The following LRMDA variants were observed in gnomAD, a reference collection of about 807,000 sequenced individuals.
LRMDA encodes the protein leucine rich melanocyte differentiation associated.
LRMDA carries 18 observed loss-of-function variants against 29.8 expected under a neutral mutation model. The ratio of observed to expected loss-of-function variants is 0.60; its 90% CI spans 0.42 to 0.90. The LOEUF is 0.90. Among genes scored for constraint, LRMDA ranks in the 40% least tolerant of loss-of-function variants. The pLI is 0.00. For synonymous variants in LRMDA, 125 were observed against 109.4 expected, an observed-to-expected ratio of 1.14 and a Z score of -0.89; for missense variants, 273 against 273.9, an observed-to-expected ratio of 1.00 and a Z score of 0.02.
chr10:75,826,497 G>C (rs1238091511), intron 2 of LRMDA, among the ~76,000 whole-genome samples: 1 of 152,050 alleles, frequency 6.6e-6, no homozygotes, highest in African/African-American at 2.4e-5. Flanking sequence ...CACCTTACTC[G>C]GCCTGACACT....
In LRMDA at chr10:75,697,274, A is replaced by G. The variant is rs141081492; in HGVS notation, c.131+258780A>G. Among the ~76,000 whole-genome samples the G allele has an allele frequency of 2.6e-5, 4 of 152,022 alleles. No homozygotes were observed. In the South Asian group the frequency reaches 6.2e-4, roughly 24 times the overall value. ...GACTTTCTAATTTGTCTGTTTCAGT[A>G]GAGTTAGAAGACACTGTTGGTTGAC... On this transcript the variant is annotated intron_variant, in intron 2 of 6. Coordinates refer to ENST00000611255, the MANE Select transcript of LRMDA (RefSeq NM_001305581.2).
At chr10:76,130,114 AG>A (rs1001833333) in intron 5 of LRMDA, among the ~76,000 whole-genome samples, 12 of 99,246 alleles carry the variant, frequency 1.2e-4, no homozygotes. Context: ...GGCTGCTCAA[AG>A]TTTTTTTTTT....
chr10:76,290,701 C>T (rs1390327988), intron 5 of LRMDA, among the ~76,000 whole-genome samples: 1 of 152,136 alleles, frequency 6.6e-6, no homozygotes, highest in Non-Finnish European at 1.5e-5. Context: ...GGATTACAGG[C>T]CTGAGCCACT....
chr10:75,452,575 CTTTTT>C (rs10636455), intron 2 of LRMDA, among the ~76,000 whole-genome samples: 2 of 117,330 alleles, frequency 1.7e-5, no homozygotes, highest in Non-Finnish European at 3.4e-5. Flanking sequence ...CAGGATATGA[CTTTTT>C]TTTTTTTTTT....
chr10:75,872,285 A>T (rs981848088), intron 2 of LRMDA, among the ~76,000 whole-genome samples: 3 of 149,714 alleles, frequency 2.0e-5, no homozygotes, highest in African/African-American at 4.9e-5. Flanking sequence ...GATTCGTTCT[A>T]TTCTCTCTCT....
intron 6 of LRMDA, among the ~76,000 whole-genome samples, chr10:76,436,435 A>G (rs993885792): frequency 2.0e-5 from 3 of 152,174 alleles, no homozygotes; most frequent in African/African-American, 7.2e-5. Context: ...GCCCTGTGGA[A>G]TGTGGGCTGG....
chr10:75,605,515 T>G (rs34493984), intron 2 of LRMDA, among the ~76,000 whole-genome samples: 77,384 of 152,028 alleles, frequency 0.51, 22,253 homozygotes, highest in Non-Finnish European at 0.63. Context: ...AAAAGAGAAG[T>G]TAAACATATT....
chr10:75,921,716 T>C (rs1188176820), intron 2 of LRMDA, among the ~76,000 whole-genome samples: 1 of 152,254 alleles, frequency 6.6e-6, no homozygotes, highest in Non-Finnish European at 1.5e-5. Flanking sequence ...CCTGGAGTGA[T>C]AGTGAGGCTC....
At chr10:76,431,760 T>A (rs1842192813) in intron 6 of LRMDA, among the ~76,000 whole-genome samples, 1 of 152,160 alleles carries the variant, frequency 6.6e-6, no homozygotes, top group Admixed American at 6.5e-5. Context: ...ATTCTCAACT[T>A]GAATTCCCAC....
At chr10:75,761,702 G>A (rs1381186832) in intron 2 of LRMDA, among the ~76,000 whole-genome samples, 1 of 151,556 alleles carries the variant, frequency 6.6e-6, no homozygotes, top group African/African-American at 2.4e-5. Context: ...TGGTACGTAT[G>A]TTTTACCACA....
In LRMDA at chr10:76,086,615, C is replaced by A. The variant is rs578015731; in HGVS notation, c.516+27832C>A. ...TGTTCACCAAGTCCCTTCTCTGTGGCTACCACACAGCTAAATACTCATGTG... is the reference window on the plus strand; with the variant it reads ...TGTTCACCAAGTCCCTTCTCTGTGGATACCACACAGCTAAATACTCATGTG... On this transcript the variant is annotated intron_variant, in intron 5 of 6. Transcript: ENST00000611255. Among the ~76,000 whole-genome samples, 6 of 152,316 alleles carry A rather than the reference C, an allele frequency of 3.9e-5. No individual in the cohort carries two copies. In the East Asian group the frequency reaches 1.2e-3, roughly 29 times the overall value.
chr10:75,627,052 T>C (rs1841259423), intron 2 of LRMDA, among the ~76,000 whole-genome samples: 1 of 152,224 alleles, frequency 6.6e-6, no homozygotes, highest in Non-Finnish European at 1.5e-5. Context: ...AAGGGCTGCA[T>C]TGGTTCATGC....
intron 2 of LRMDA, among the ~76,000 whole-genome samples, chr10:75,637,033 G>C (rs1841398052): frequency 6.6e-6 from 1 of 152,194 alleles, no homozygotes; most frequent in Non-Finnish European, 1.5e-5. Flanking sequence ...CTTTTCACAT[G>C]TAGGAATTAT....
At chr10:75,581,732 A>G (rs1840594860) in intron 2 of LRMDA, among the ~76,000 whole-genome samples, 1 of 152,004 alleles carries the variant, frequency 6.6e-6, no homozygotes, top group South Asian at 2.1e-4. Context: ...GGAGTTGAAC[A>G]ATGAGAACAC....
intron 2 of LRMDA, among the ~76,000 whole-genome samples, chr10:75,676,323 A>T (rs1213903039): frequency 6.6e-6 from 1 of 152,210 alleles, no homozygotes; most frequent in Admixed American, 6.5e-5. Context: ...TGGAAGCTGA[A>T]CGAGATGTTG....
At chr10:76,203,604 G>A (rs1851472434) in intron 5 of LRMDA, among the ~76,000 whole-genome samples, 1 of 152,222 alleles carries the variant, frequency 6.6e-6, no homozygotes. Context: ...ACAAAACAAA[G>A]CAAATCTCTA....
intron 2 of LRMDA, chr10:75,743,392 A>T (rs977969714): frequency 4.6e-5 from 7 of 152,196 alleles, no homozygotes; most frequent in Admixed American, 2.6e-4. Context: ...GCTGCCTGGG[A>T]TGAGCCGTGA....
At chr10:75,626,055 T>C (rs1841245871) in intron 2 of LRMDA, among the ~76,000 whole-genome samples, 1 of 151,170 alleles carries the variant, frequency 6.6e-6, no homozygotes. Flanking sequence ...AGAGACGGGG[T>C]CTTGCTATGT....
At chr10:76,447,902 G>T (rs1479895772) in intron 6 of LRMDA, among the ~76,000 whole-genome samples, 1 of 152,124 alleles carries the variant, frequency 6.6e-6, no homozygotes, top group East Asian at 1.9e-4. Flanking sequence ...GTGTATAAGA[G>T]ATATTCATCT....
Sources: gnomAD v4.1 joint callset for allele counts (sites outside exome capture counted in the v4.1 genomes callset) on GRCh38, gnomAD v4.1.1 for gene constraint, MANE v1.5 for transcripts, NCBI Gene and HGNC (gene_info 2026-07-23, HGNC 2026-07-21) for gene names.